PEX5: variants seen among roughly 807,000 people sequenced by gnomAD.
The protein encoded by PEX5 is PTS1 receptor.
A neutral mutation model predicts 82.9 loss-of-function variants in PEX5; 52 were observed. The observed-to-expected ratio is 0.63, with a 90% confidence interval of 0.50 to 0.79. The LOEUF is 0.79. PEX5 is among the 30% of genes least tolerant of loss of function. The pLI is 0.00. For synonymous variants in PEX5, 300 were observed against 318.8 expected (o/e 0.94, Z 0.63); for missense variants, 719 against 815.2 (o/e 0.88, Z 1.44).
Position 7,209,179 on chromosome 12 carries a change from A to G in PEX5, c.1560+9A>G. 6.2e-7 allele frequency: 1 copy of G among 1,613,340 alleles called. No individual in the cohort carries two copies. Among genetic ancestry groups the G allele is most frequent in the Non-Finnish European group, 8.5e-7 (1 of 1,179,676 alleles). On this transcript the variant is annotated intron_variant, in intron 14 of 15. Transcript: ENST00000675855. The stretch of plus-strand genomic sequence containing the variant: ...TCAGCGTTCGTCCCAATGTGAGCCC[A>G]GGGGAGGAATGGAAATGGGACATGA...
chr12:7,199,206 A>AT (rs1943274348), intron 6 of PEX5, 93 bp downstream of exon 6: 3 of 459,360 alleles, frequency 6.5e-6, no homozygotes, highest in East Asian at 4.3e-5. Context: ...AACTTACTTT[A>AT]TTCTTTTTTT....
At chr12:7,200,213 GGTC>G (rs1943597980) in intron 6 of PEX5, among the ~76,000 whole-genome samples, 2 of 150,784 alleles carry the variant, frequency 1.3e-5, no homozygotes, top group African/African-American at 4.9e-5. Flanking sequence ...TCCCAGACGG[GGTC>G]GCGGCCAGGC....
In PEX5 at chr12:7,203,542, C is replaced by T. The variant is rs1208975053; in HGVS notation, c.957C>T (p.Thr319=). The T allele has an allele frequency of 2.5e-6, 4 of 1,613,658 alleles. No homozygotes were observed. The African/African-American group carries it at 5.3e-5, about 22-fold the overall frequency. ...ACTATGATGACCTTACGTCAGCTAC[C>T]TATGATAAGGTGAGGTAAAAACTCT... The part of the protein sequence containing the change: ...LSDYDDLTSA[T]YDKGYQFEEE... The change falls in exon 10 of 16, where the codon ACC becomes ACT. Residue 319 remains threonine, a synonymous_variant. Transcript: ENST00000675855.
At position 7,202,291 on chromosome 12, in the gene PEX5, C is replaced by T. The variant is rs140332077; in HGVS notation, c.693C>T (p.Ser231=). 37 of 1,614,004 alleles carry T rather than the reference C, an allele frequency of 2.3e-5. No homozygotes were observed. The highest frequency in any genetic ancestry group is 1.6e-4 in the Middle Eastern group (1 of 6,062). ...GCGAAGGGCAGGTGTCCCTGGAGTCCGGTGCAGGGTCGGGCCGAGCTCAGG... is the reference window on the plus strand; with the variant it reads ...GCGAAGGGCAGGTGTCCCTGGAGTCTGGTGCAGGGTCGGGCCGAGCTCAGG... ...QIGEGQVSLE[S]GAGSGRAQAE... The change falls in exon 8 of 16, where the codon TCC becomes TCT. Residue 231 remains serine, a synonymous_variant. Transcript: ENST00000675855.
chr12:7,213,808 A>C (rs1419765097), downstream of PEX5, among the ~76,000 whole-genome samples: 1 of 150,670 alleles, frequency 6.6e-6, no homozygotes, highest in Non-Finnish European at 1.5e-5. Context: ...AATGGGAGAA[A>C]ATTTTCGCAA....
At chr12:7,213,215 G>A (rs898795794), downstream of PEX5, among the ~76,000 whole-genome samples, 4 of 150,518 alleles carry the variant, frequency 2.7e-5, no homozygotes, top group African/African-American at 9.8e-5. Context: ...TCACAGAATT[G>A]GAAAAAACTA....
rs1942739266 is a variant in PEX5, at chr12:7,197,244, A to ATATATGTCATATGTAATAAT, written c.449-1764_449-1763insATGTCATATGTAATAATTAT. Among the ~76,000 whole-genome samples the ATATATGTCATATGTAATAAT allele has an allele frequency of 5.6e-4, 9 of 15,978 alleles. 2 individuals are homozygous for ATATATGTCATATGTAATAAT. The East Asian group carries it at 6.1e-3, about 11-fold the overall frequency. 10.5% of individuals were successfully genotyped at this position (15,978 alleles called of 152,430 possible). A position where few individuals can be genotyped will look rare whatever the true frequency, so the allele number is the denominator to read the frequency against. On this transcript the variant is annotated intron_variant, in intron 5 of 15. Coordinates refer to ENST00000675855, the MANE Select transcript of PEX5 (RefSeq NM_001351132.2). ...ATTATATATGTCATATGTAATAATT[A>ATATATGTCATATGTAATAAT]TATGTCATATGTAATAATTATATAT... is the stretch of plus-strand genomic sequence containing the variant.
At chr12:7,192,154 AAATT>A (rs1280047615) in intron 5 of PEX5, among the ~76,000 whole-genome samples, 1 of 152,238 alleles carries the variant, frequency 6.6e-6, no homozygotes. Context: ...ATGATAATAA[AAATT>A]AATAACAATA....
At chr12:7,214,787 A>G (rs1000198736), downstream of PEX5, among the ~76,000 whole-genome samples, 8 of 152,152 alleles carry the variant, frequency 5.3e-5, no homozygotes, top group Non-Finnish European at 1.2e-4. Flanking sequence ...TTTTTACATT[A>G]AAAACATGAA....
At chr12:7,189,851 A>T in intron 1 of PEX5, 101 bp downstream of exon 1, 1 of 1,231,232 alleles carries the variant, frequency 8.1e-7, no homozygotes, top group Non-Finnish European at 1.1e-6. Context: ...GAGCGGCAGC[A>T]GGGCCGGGGA....
intron 9 of PEX5, 60 bp from the exon 10 acceptor site, chr12:7,203,372 G>C: frequency 1.9e-6 from 3 of 1,560,336 alleles, no homozygotes; most frequent in African/African-American, 1.3e-5. Flanking sequence ...GCAGAGCTGA[G>C]TGTGGGGTGG....
rs1216991743 is a variant in PEX5, at chr12:7,203,463, C to G, written c.878C>G (p.Ala293Gly). The G allele has an allele frequency of 4.3e-6, 7 of 1,613,830 alleles. No individual in the cohort carries two copies. The highest frequency in any genetic ancestry group is 5.9e-6 in the Non-Finnish European group (7 of 1,179,918). ...SDVDFWDKLQ[A>G]ELEEMAKRDA... Reference sequence around the variant, plus strand: ...GTCGATTTCTGGGACAAGTTGCAGGCAGAGTTGGAGGAGATGGCAAAACGG... The same window carrying G: ...GTCGATTTCTGGGACAAGTTGCAGGGAGAGTTGGAGGAGATGGCAAAACGG... Residue 293 changes from alanine to glycine, a missense_variant, in exon 10 of 16, where the codon GCA becomes GGA. Physicochemically the swap from Ala to Gly is moderately conservative, Grantham distance 60 (BLOSUM62 0). Transcript: ENST00000675855.
chr12:7,214,518 A>G (rs1288681242), downstream of PEX5, among the ~76,000 whole-genome samples: 1 of 140,374 alleles, frequency 7.1e-6, no homozygotes, highest in Non-Finnish European at 1.5e-5. Flanking sequence ...TTGAACAATA[A>G]GAACACATGG....
upstream of PEX5, chr12:7,189,375 C>T (rs1309520645): frequency 1.3e-5 from 2 of 152,352 alleles, no homozygotes; most frequent in East Asian, 3.8e-4. Flanking sequence ...GAGGCAGGAT[C>T]GACTGAGCCT....
At chr12:7,191,113 T>G in intron 3 of PEX5, 113 bp from the exon 4 acceptor site, 1 of 1,289,552 alleles carries the variant, frequency 7.8e-7, no homozygotes, top group Non-Finnish European at 1.1e-6. Context: ...TGTCTCCAGT[T>G]TCTGTGTTTT....
At position 7,198,966 on chromosome 12, in the gene PEX5, A is replaced by G. The variant is rs778000712; in HGVS notation, c.449-45A>G. The G allele has an allele frequency of 3.1e-5, 34 of 1,088,060 alleles. No homozygotes were observed. The Admixed American group carries it at 6.3e-4, about 20-fold the overall frequency. The allele number at this position is 1,088,060 out of a possible 1,614,324, so 67.4% of individuals were successfully genotyped here. On this transcript the variant is annotated intron_variant, in intron 5 of 15. Transcript: ENST00000675855. ...TCTCTTTCCCTTTCCTTGATCCCACACTGAATGAACCTGTGTGATTTCCCC... is the reference window on the plus strand; with the variant it reads ...TCTCTTTCCCTTTCCTTGATCCCACGCTGAATGAACCTGTGTGATTTCCCC...
chr12:7,194,058 A>G (rs988259798), intron 5 of PEX5, among the ~76,000 whole-genome samples: 1 of 152,228 alleles, frequency 6.6e-6, no homozygotes, highest in Non-Finnish European at 1.5e-5. Context: ...GCTAAAGGAA[A>G]GGAGTTCATT....
intron 12 of PEX5, 71 bp from the exon 13 acceptor site, chr12:7,208,386 A>G (rs2136234300): frequency 8.7e-7 from 1 of 1,144,834 alleles, no homozygotes; most frequent in Non-Finnish European, 1.3e-6. Context: ...CTTGGCTTGG[A>G]TCCCAGGGTG....
At chr12:7,190,281 T>C (rs932025377) in intron 1 of PEX5, 81 bp from the exon 2 acceptor site, 8 of 1,592,500 alleles carry the variant, frequency 5.0e-6, no homozygotes, top group Non-Finnish European at 6.0e-6. Context: ...CCTGTGTGCC[T>C]TCCTCAGATA....
Sources: allele counts gnomAD v4.1 joint callset (sites outside exome capture counted in the v4.1 genomes callset), GRCh38; gene constraint gnomAD v4.1.1; transcripts MANE v1.5; gene names NCBI Gene and HGNC (gene_info 2026-07-23, HGNC 2026-07-21).